The following HTATIP2 variants were observed in gnomAD, a reference collection of about 807,000 sequenced individuals.
The protein encoded by HTATIP2 is protein HTATIP2.
HTATIP2 carries 26 observed loss-of-function variants against 24.7 expected under a neutral mutation model. That is an observed-to-expected ratio of 1.05 (90% CI 0.77 to 1.46). The LOEUF is 1.46. Ranked by LOEUF, HTATIP2 falls within the 40% of genes most tolerant of loss-of-function variation. HTATIP2 has a pLI of 0.00. For missense variants in HTATIP2, 284 were observed against 289.6 expected (o/e 0.98, Z 0.14); for synonymous variants, 99 against 113.2 (o/e 0.87, Z 0.79).
At chr11:20,365,976 A>G (rs868081378) in intron 1 of HTATIP2, among the ~76,000 whole-genome samples, 86 of 151,174 alleles carry the variant, frequency 5.7e-4, no homozygotes, top group South Asian at 3.3e-3. Flanking sequence ...GTCTCAAAAA[A>G]AAAAAAAAAA....
intron 3 of HTATIP2, among the ~76,000 whole-genome samples, chr11:20,381,951 A>C (rs1203185835): frequency 6.6e-6 from 1 of 152,362 alleles, no homozygotes; most frequent in South Asian, 2.1e-4. Flanking sequence ...CTATGCAGCC[A>C]TTCACTCATT....
At chr11:20,367,986 T>C (rs2064730620) in intron 2 of HTATIP2, among the ~76,000 whole-genome samples, 4 of 152,198 alleles carry the variant, frequency 2.6e-5, no homozygotes, top group Non-Finnish European at 4.4e-5. Context: ...ACTTTGACTA[T>C]AGTTTATTCC....
Position 20,382,890 on chromosome 11 carries a change from C to G in HTATIP2, c.504-90C>G, listed in dbSNP as rs941528501. On this transcript the variant is annotated intron_variant, in intron 4 of 4. Transcript: ENST00000451739. ...TCAACATTAGAATATTGAGGGGATACAGTTTTGTCCGTAATGCCCACTGTG... is the reference window on the plus strand; with the variant it reads ...TCAACATTAGAATATTGAGGGGATAGAGTTTTGTCCGTAATGCCCACTGTG... 4 of 843,122 alleles carry G rather than the reference C, an allele frequency of 4.7e-6. No homozygotes were observed. In the African/African-American group the frequency reaches 6.9e-5, roughly 15 times the overall value. The allele number at this position is 843,122 out of a possible 1,614,324, so 52.2% of individuals were successfully genotyped here.
intron 2 of HTATIP2, among the ~76,000 whole-genome samples, chr11:20,373,133 GA>G (rs1239416964): frequency 6.6e-6 from 1 of 152,192 alleles, no homozygotes; most frequent in Non-Finnish European, 1.5e-5. Context: ...CAGCAATGGA[GA>G]AAGGTATGGG....
intron 2 of HTATIP2, among the ~76,000 whole-genome samples, chr11:20,373,456 C>T (rs1208004498): frequency 6.6e-6 from 1 of 152,136 alleles, no homozygotes; most frequent in South Asian, 2.1e-4. Context: ...TCAAATTATC[C>T]TTTTACTGGC....
At chr11:20,381,092 G>C (rs1181731636) in intron 3 of HTATIP2, among the ~76,000 whole-genome samples, 2 of 152,042 alleles carry the variant, frequency 1.3e-5, no homozygotes, top group Non-Finnish European at 2.9e-5. Flanking sequence ...TTAAAACTTA[G>C]ATCGTGATGA....
chr11:20,379,294 C>T (rs539975891), intron 3 of HTATIP2, among the ~76,000 whole-genome samples: 2 of 152,338 alleles, frequency 1.3e-5, no homozygotes, highest in East Asian at 3.9e-4. Flanking sequence ...CCTGCATTAC[C>T]TGCAGCCTGG....
chr11:20,364,206 AG>A lies in HTATIP2; in HGVS notation c.-31del. 1 of 1,571,020 alleles carries A rather than the reference AG, an allele frequency of 6.4e-7. No homozygotes were observed. Among genetic ancestry groups the A allele is most frequent in the Non-Finnish European group, 8.7e-7 (1 of 1,153,858 alleles). On this transcript the variant is annotated 5_prime_UTR_variant, in exon 1 of 5. Transcript: ENST00000451739. ...GGACTGGCAGTCCCCTGACACCCTA[AG>A]ACCGGCATCTGTCGATGTTATTTCC... is the stretch of plus-strand genomic sequence containing the variant.
intron 3 of HTATIP2, among the ~76,000 whole-genome samples, chr11:20,379,259 A>T (rs1173443421): frequency 6.6e-6 from 1 of 152,194 alleles, no homozygotes; most frequent in East Asian, 1.9e-4. Flanking sequence ...CAACGGAAAG[A>T]CACTTCTGAT....
At chr11:20,373,765 G>A (rs1476126185) in intron 2 of HTATIP2, among the ~76,000 whole-genome samples, 2 of 152,078 alleles carry the variant, frequency 1.3e-5, no homozygotes, top group Non-Finnish European at 2.9e-5. Context: ...TTTCTATGTA[G>A]TTTTGGGCTG....
intron 2 of HTATIP2, among the ~76,000 whole-genome samples, chr11:20,372,499 C>T (rs1009691210): frequency 6.6e-6 from 1 of 152,030 alleles, no homozygotes; most frequent in African/African-American, 2.4e-5. Flanking sequence ...TGTGTTTATT[C>T]TTTTTGAGAG....
At chr11:20,381,477 A>T (rs999008868) in intron 3 of HTATIP2, among the ~76,000 whole-genome samples, 72 of 152,130 alleles carry the variant, frequency 4.7e-4, no homozygotes, top group Middle Eastern at 3.4e-3. Flanking sequence ...AATTAAAATT[A>T]AAAAATTTTT....
intron 1 of HTATIP2, among the ~76,000 whole-genome samples, chr11:20,365,807 C>A (rs554978043): frequency 1.3e-5 from 2 of 151,664 alleles, no homozygotes; most frequent in South Asian, 4.2e-4. Context: ...CCTGTCTCTA[C>A]TAAAAATACA....
intron 2 of HTATIP2, among the ~76,000 whole-genome samples, chr11:20,375,005 C>A (rs1848422904): frequency 6.6e-6 from 1 of 152,096 alleles, no homozygotes; most frequent in Admixed American, 6.5e-5. Context: ...TAGTCATTTT[C>A]ATTAGCGAGA....
chr11:20,382,272 G>T, intron 4 of HTATIP2, 33 bp downstream of exon 4: 1 of 1,245,250 alleles, frequency 8.0e-7, no homozygotes, highest in Non-Finnish European at 1.2e-6. Context: ...ATGAGAGTAT[G>T]CCACTGATGG....
In HTATIP2 at chr11:20,364,120, G is replaced by C. The variant is rs1460678806; in HGVS notation, c.-118G>C. On this transcript the variant is annotated 5_prime_UTR_variant, in exon 1 of 5. Coordinates refer to ENST00000451739, the MANE Select transcript of HTATIP2 (RefSeq NM_001098522.2). ...TGACTCAGCACTTTCCCCAGAGCCCGGACTGCGGAGAACAATATCCTCCTC... is the reference window on the plus strand; with the variant it reads ...TGACTCAGCACTTTCCCCAGAGCCCCGACTGCGGAGAACAATATCCTCCTC... 6.9e-7 allele frequency: 1 copy of C among 1,447,876 alleles called. No individual in the cohort carries two copies. The highest frequency in any genetic ancestry group is 9.1e-7 in the Non-Finnish European group (1 of 1,097,962). The allele number at this position is 1,447,876 out of a possible 1,614,324, so 89.7% of individuals were successfully genotyped here. A position where few individuals can be genotyped will look rare whatever the true frequency, so the allele number is the denominator to read the frequency against.
Position 20,363,782 on chromosome 11 carries a change from C to CG in HTATIP2, c.-454dup. On this transcript the variant is annotated 5_prime_UTR_variant, in exon 1 of 5. Coordinates refer to ENST00000451739, the MANE Select transcript of HTATIP2 (RefSeq NM_001098522.2). Reference sequence around the variant, plus strand: ...CTGTCTCCGTCGCCTCCAACCCCCCCGGTCCGACCAGGGAAGGTGGGATGC... The same window carrying CG: ...CTGTCTCCGTCGCCTCCAACCCCCCCGGGTCCGACCAGGGAAGGTGGGATGC... 2 of 1,240,990 alleles carry CG rather than the reference C, an allele frequency of 1.6e-6. No individual in the cohort carries two copies. Among genetic ancestry groups the CG allele is most frequent in the Non-Finnish European group, 1.0e-6 (1 of 987,848 alleles). The allele number at this position is 1,240,990 out of a possible 1,614,324, so 76.9% of individuals were successfully genotyped here.
intron 2 of HTATIP2, among the ~76,000 whole-genome samples, chr11:20,368,099 A>G (rs1020900355): frequency 2.0e-5 from 3 of 152,048 alleles, no homozygotes; most frequent in South Asian, 2.1e-4. Context: ...TAAATACATA[A>G]ATAAAACAGA....
intron 3 of HTATIP2, among the ~76,000 whole-genome samples, chr11:20,380,044 C>A (rs893143534): frequency 2.6e-5 from 4 of 152,190 alleles, no homozygotes; most frequent in African/African-American, 7.2e-5. Flanking sequence ...ATGTCTCCAG[C>A]GATGAACGTT....
Sources: gnomAD v4.1 joint callset for allele counts (sites outside exome capture counted in the v4.1 genomes callset) on GRCh38, gnomAD v4.1.1 for gene constraint, MANE v1.5 for transcripts, NCBI Gene and HGNC (gene_info 2026-07-23, HGNC 2026-07-21) for gene names.